LRP1B: variants seen among roughly 807,000 people sequenced by gnomAD.
LRP1B encodes the protein low-density lipoprotein receptor-related protein 1B.
In LRP1B, 217 loss-of-function variants were observed where a neutral mutation model predicts 556.6. That is an observed-to-expected ratio of 0.39 (90% CI 0.35 to 0.44). The LOEUF is 0.44. Among genes scored for constraint, LRP1B ranks in the 20% least tolerant of loss-of-function variants. The pLI is 1.00. For synonymous variants in LRP1B, 2,047 were observed against 1,865.8 expected, an observed-to-expected ratio of 1.10 and a Z score of -2.50; for missense variants, 5,053 against 5,620.8, an observed-to-expected ratio of 0.90 and a Z score of 3.23.
intron 28 of LRP1B, among the ~76,000 whole-genome samples, chr2:140,850,862 G>A (rs1467864804): frequency 6.6e-6 from 1 of 151,986 alleles, no homozygotes; most frequent in Non-Finnish European, 1.5e-5. Context: ...ACATTGTGAG[G>A]CGTTATATCA....
At chr2:140,546,032 GTGTC>G (rs1025560167) in intron 43 of LRP1B, among the ~76,000 whole-genome samples, 10 of 150,354 alleles carry the variant, frequency 6.7e-5, no homozygotes, top group Non-Finnish European at 1.2e-4. Flanking sequence ...GTGTGTGTGT[GTGTC>G]TGTTGCAATT....
intron 23 of LRP1B, among the ~76,000 whole-genome samples, chr2:140,898,006 C>A (rs1165285199): frequency 6.6e-6 from 1 of 152,094 alleles, no homozygotes. Flanking sequence ...GATGAAGACA[C>A]CAACTTTTCG....
At chr2:141,002,876 AAAG>A (rs1311201901) in intron 15 of LRP1B, among the ~76,000 whole-genome samples, 1 of 152,054 alleles carries the variant, frequency 6.6e-6, no homozygotes, top group Non-Finnish European at 1.5e-5. Context: ...TTTTATTAAA[AAAG>A]GACTTATTTT....
At chr2:140,927,294 G>T (rs1427737478) in intron 20 of LRP1B, among the ~76,000 whole-genome samples, 1 of 152,152 alleles carries the variant, frequency 6.6e-6, no homozygotes, top group African/African-American at 2.4e-5. Context: ...GACAGAGGGA[G>T]ACTCTGTCTC....
At chr2:141,181,725 T>C (rs1681005077) in intron 7 of LRP1B, among the ~76,000 whole-genome samples, 1 of 151,964 alleles carries the variant, frequency 6.6e-6, no homozygotes, top group Non-Finnish European at 1.5e-5. Context: ...CCCTGTTGTA[T>C]TCCCAGGCTA....
intron 6 of LRP1B, among the ~76,000 whole-genome samples, chr2:141,215,334 T>TA (rs1682754121): frequency 6.6e-6 from 1 of 152,186 alleles, no homozygotes; most frequent in Non-Finnish European, 1.5e-5. Context: ...CTCTTTTCTT[T>TA]ATAAATTACC....
At chr2:140,386,068 C>G in intron 66 of LRP1B, 59 bp from the exon 67 acceptor site, 3 of 1,005,222 alleles carry the variant, frequency 3.0e-6, no homozygotes, top group Non-Finnish European at 4.7e-6. Flanking sequence ...TCCCTCACAA[C>G]GTCCTCACTG....
chr2:140,232,946 T>G lies in LRP1B; in HGVS notation c.*240A>C, dbSNP rs1680531196. The stretch of plus-strand genomic sequence containing the variant: ...TTAACAAATTCAAAGGTGTGTCATA[T>G]CAGCAGCATTGTTGTAAATTGTACT... On this transcript the variant is annotated 3_prime_UTR_variant, in exon 91 of 91. Transcript: ENST00000389484. 6.3e-6 allele frequency: 2 copies of G among 316,666 alleles called. No homozygotes were observed. Among genetic ancestry groups the G allele is most frequent in the Non-Finnish European group, 5.7e-6 (1 of 174,992 alleles). 19.6% of individuals were successfully genotyped at this position (316,666 alleles called of 1,614,324 possible).
intron 1 of LRP1B, among the ~76,000 whole-genome samples, chr2:142,006,321 A>G (rs1702798640): frequency 1.3e-5 from 2 of 152,186 alleles, no homozygotes; most frequent in African/African-American, 4.8e-5. Flanking sequence ...ATTCTGGAAA[A>G]CAGCATCCAT....
intron 43 of LRP1B, among the ~76,000 whole-genome samples, chr2:140,546,770 G>C (rs1680356325): frequency 6.6e-6 from 1 of 152,100 alleles, no homozygotes; most frequent in South Asian, 2.1e-4. Context: ...TCCAGCTTTT[G>C]CCTATTCAGT....
chr2:140,528,301 TTAGA>T (rs1690527384), intron 47 of LRP1B, among the ~76,000 whole-genome samples: 3 of 151,938 alleles, frequency 2.0e-5, no homozygotes, highest in African/African-American at 7.2e-5. Context: ...GAACACAGTC[TTAGA>T]TTGAGTTCTG....
intron 83 of LRP1B, among the ~76,000 whole-genome samples, chr2:140,305,946 G>A: frequency 6.6e-6 from 1 of 151,746 alleles, no homozygotes; most frequent in Middle Eastern, 3.4e-3. Context: ...TTTATATGCT[G>A]GATTACATTT....
At chr2:140,782,626 G>A (rs147090858) in intron 32 of LRP1B, among the ~76,000 whole-genome samples, 1 of 152,124 alleles carries the variant, frequency 6.6e-6, no homozygotes, top group Non-Finnish European at 1.5e-5. Context: ...CACTAACAGA[G>A]ATATTACAGG....
At chr2:141,305,346 G>A (rs1686546345) in intron 3 of LRP1B, among the ~76,000 whole-genome samples, 1 of 151,968 alleles carries the variant, frequency 6.6e-6, no homozygotes, top group Non-Finnish European at 1.5e-5. Context: ...TTTTATTTTT[G>A]TAGCTATTGT....
intron 1 of LRP1B, among the ~76,000 whole-genome samples, chr2:141,884,644 ATGTTAAAATGT>A (rs537938909): frequency 2.0e-5 from 3 of 152,294 alleles, no homozygotes; most frequent in African/African-American, 7.2e-5. Context: ...AAACATACTC[ATGTTAAAATGT>A]TGTCAGTTGA....
chr2:140,791,113 G>A (rs1559121316), intron 32 of LRP1B, among the ~76,000 whole-genome samples: 1 of 152,024 alleles, frequency 6.6e-6, no homozygotes, highest in South Asian at 2.1e-4. Context: ...AATTAGCTTG[G>A]CATAGTGGTG....
intron 1 of LRP1B, among the ~76,000 whole-genome samples, chr2:141,828,622 A>T (rs367735468): frequency 1.3e-5 from 2 of 152,122 alleles, no homozygotes. Flanking sequence ...TGGGTTTTTC[A>T]TAAGTTACCT....
At chr2:140,962,154 A>G (rs1214352235) in intron 18 of LRP1B, among the ~76,000 whole-genome samples, 1 of 152,240 alleles carries the variant, frequency 6.6e-6, no homozygotes, top group African/African-American at 2.4e-5. Flanking sequence ...GTGCTACTGT[A>G]TAAGAATTTA....
intron 42 of LRP1B, among the ~76,000 whole-genome samples, chr2:140,601,024 T>C (rs1159077325): frequency 6.6e-6 from 1 of 151,726 alleles, no homozygotes; most frequent in Non-Finnish European, 1.5e-5. Flanking sequence ...GGTTGCAGTT[T>C]GCTTTCTTTT....
Sources: gnomAD v4.1 joint callset for allele counts (sites outside exome capture counted in the v4.1 genomes callset) on GRCh38, gnomAD v4.1.1 for gene constraint, MANE v1.5 for transcripts, NCBI Gene and HGNC (gene_info 2026-07-23, HGNC 2026-07-21) for gene names.